The following MCTP1 variants were observed in gnomAD, a reference collection of about 807,000 sequenced individuals.
The protein encoded by MCTP1 is multiple C2 and transmembrane domain containing 1.
MCTP1 carries 69 observed loss-of-function variants against 120.6 expected under a neutral mutation model. That is an observed-to-expected ratio of 0.57 (90% CI 0.47 to 0.70). The LOEUF is 0.70. MCTP1 is among the 30% of genes least tolerant of loss of function. The pLI, the probability that MCTP1 is intolerant of heterozygous loss-of-function variation, is 0.00. For synonymous variants in MCTP1, 529 were observed against 493.1 expected (o/e 1.07, Z -0.96); for missense variants, 1,203 against 1,248.8 (o/e 0.96, Z 0.55).
At chr5:94,901,629 A>G (rs1337301434) in intron 10 of MCTP1, among the ~76,000 whole-genome samples, 1 of 152,028 alleles carries the variant, frequency 6.6e-6, no homozygotes, top group Non-Finnish European at 1.5e-5. Context: ...AAAAAAAACT[A>G]TATACATTTG....
chr5:94,992,422 T>A (rs2153618375), intron 2 of MCTP1, among the ~76,000 whole-genome samples: 1 of 152,288 alleles, frequency 6.6e-6, no homozygotes, highest in East Asian at 1.9e-4. Flanking sequence ...GATGCTTTTG[T>A]TATCCCCATT....
At chr5:94,898,519 A>C (rs1180996607) in intron 10 of MCTP1, among the ~76,000 whole-genome samples, 5 of 152,206 alleles carry the variant, frequency 3.3e-5, no homozygotes, top group Non-Finnish European at 5.9e-5. Flanking sequence ...GTGCAATGTG[A>C]ATACAGTACT....
chr5:95,176,172 T>G (rs1747950356), intron 1 of MCTP1, among the ~76,000 whole-genome samples: 1 of 152,208 alleles, frequency 6.6e-6, no homozygotes, highest in South Asian at 2.1e-4. Context: ...ATGTATTTTT[T>G]TTTAACAAAT....
In MCTP1 at chr5:94,734,201, G is replaced by A. The variant is rs1214698284; in HGVS notation, c.2611-19315C>T. Among the ~76,000 whole-genome samples the A allele has an allele frequency of 3.3e-5, 5 of 152,004 alleles. No homozygotes were observed. In the East Asian group the frequency reaches 5.8e-4, roughly 18 times the overall value. Reference sequence around the variant, plus strand: ...TTTCTGTAAGCACTGCTGATCAAACGCAAACACTCACTGGTACTAATTAAA... The same window carrying A: ...TTTCTGTAAGCACTGCTGATCAAACACAAACACTCACTGGTACTAATTAAA... On this transcript the variant is annotated intron_variant, in intron 19 of 22. Coordinates refer to ENST00000515393, the MANE Select transcript of MCTP1 (RefSeq NM_024717.7).
intron 1 of MCTP1, among the ~76,000 whole-genome samples, chr5:95,056,018 G>A (rs527929732): frequency 8.5e-5 from 13 of 152,288 alleles, no homozygotes; most frequent in African/African-American, 2.9e-4. Context: ...AAACTTCTAT[G>A]TATCTGTCCA....
Position 95,009,129 on chromosome 5 carries a change from G to A in MCTP1, c.838+8238C>T, listed in dbSNP as rs979864913. ...GAGAGAAGCATTGGGAGGGAATGCT[G>A]CCTTACCACATCTTGATTGTTGGAG... On this transcript the variant is annotated intron_variant, in intron 2 of 22. Coordinates refer to ENST00000515393, the MANE Select transcript of MCTP1 (RefSeq NM_024717.7). 1.4e-4 allele frequency among the ~76,000 whole-genome samples: 21 copies of A among 149,582 alleles called. 2 individuals are homozygous for A. The highest frequency in any genetic ancestry group is 5.2e-4 in the African/African-American group (21 of 40,062).
chr5:95,162,831 T>C (rs1357153613), intron 1 of MCTP1, among the ~76,000 whole-genome samples: 4 of 152,184 alleles, frequency 2.6e-5, no homozygotes, highest in Non-Finnish European at 5.9e-5. Flanking sequence ...GATTTACATA[T>C]AAACCTTACA....
At chr5:95,221,831 A>G (rs1319168886) in intron 1 of MCTP1, among the ~76,000 whole-genome samples, 2 of 152,106 alleles carry the variant, frequency 1.3e-5, no homozygotes, top group African/African-American at 4.8e-5. Context: ...AAATTCTCTA[A>G]TCACTGAAGT....
chr5:95,061,813 A>G (rs932278969), intron 1 of MCTP1, among the ~76,000 whole-genome samples: 1 of 152,176 alleles, frequency 6.6e-6, no homozygotes, highest in African/African-American at 2.4e-5. Flanking sequence ...TCACTGACTC[A>G]TCTGAAACTC....
At chr5:94,743,723 C>T (rs918425273) in intron 19 of MCTP1, among the ~76,000 whole-genome samples, 1 of 150,724 alleles carries the variant, frequency 6.6e-6, no homozygotes, top group African/African-American at 2.4e-5. Context: ...CTGCAAGCTC[C>T]GCCTTCCGGG....
At chr5:95,271,423 T>C (rs1759383811) in intron 1 of MCTP1, among the ~76,000 whole-genome samples, 1 of 151,280 alleles carries the variant, frequency 6.6e-6, no homozygotes, top group Admixed American at 6.6e-5. Flanking sequence ...ATTATGAGAA[T>C]ATATTTTTAT....
chr5:94,981,147 G>A (rs1829318352), intron 2 of MCTP1, among the ~76,000 whole-genome samples: 1 of 152,154 alleles, frequency 6.6e-6, no homozygotes, highest in Non-Finnish European at 1.5e-5. Flanking sequence ...GGTGGTGTGG[G>A]TCCCTGTTCT....
chr5:94,797,205 T>C (rs1332764381), intron 18 of MCTP1, among the ~76,000 whole-genome samples: 1 of 152,176 alleles, frequency 6.6e-6, no homozygotes, highest in Non-Finnish European at 1.5e-5. Flanking sequence ...AGGTATATTC[T>C]GGAGAAGATA....
At chr5:95,027,577 G>A (rs1223485168) in intron 1 of MCTP1, among the ~76,000 whole-genome samples, 2 of 152,158 alleles carry the variant, frequency 1.3e-5, no homozygotes, top group African/African-American at 2.4e-5. Flanking sequence ...ATATAGTAGA[G>A]GGTGGAGTGT....
intron 1 of MCTP1, among the ~76,000 whole-genome samples, chr5:95,238,160 C>T (rs935827636): frequency 1.5e-4 from 23 of 152,274 alleles, no homozygotes; most frequent in African/African-American, 5.1e-4. Flanking sequence ...CAAGAATTGA[C>T]GTTCCCATGC....
chr5:95,099,745 C>G (rs1280413156), intron 1 of MCTP1, among the ~76,000 whole-genome samples: 2 of 151,480 alleles, frequency 1.3e-5, no homozygotes, highest in Admixed American at 1.3e-4. Flanking sequence ...ACTAGAAATA[C>G]CATTTGACCC....
intron 17 of MCTP1, among the ~76,000 whole-genome samples, chr5:94,833,263 C>T (rs998989400): frequency 6.6e-6 from 1 of 151,922 alleles, no homozygotes; most frequent in South Asian, 2.1e-4. Context: ...TGTTATGATG[C>T]TAATCAACCT....
chr5:95,244,265 G>A lies in MCTP1; in HGVS notation c.720+39591C>T, dbSNP rs924291976. On this transcript the variant is annotated intron_variant, in intron 1 of 22. Coordinates refer to ENST00000515393, the MANE Select transcript of MCTP1 (RefSeq NM_024717.7). Reference sequence around the variant, plus strand: ...GTCTATAGCTCCCAGCAAGATCGACGCAGATGACAGGTGATTTCTGCATTT... The same window carrying A: ...GTCTATAGCTCCCAGCAAGATCGACACAGATGACAGGTGATTTCTGCATTT... Among the ~76,000 whole-genome samples, 11 of 152,158 alleles carry A rather than the reference G, an allele frequency of 7.2e-5. 1 individual carries two copies. Among genetic ancestry groups the A allele is most frequent in the Admixed American group, 2.0e-4 (3 of 15,282 alleles).
At chr5:95,044,932 A>T (rs751177647) in intron 1 of MCTP1, among the ~76,000 whole-genome samples, 13 of 152,098 alleles carry the variant, frequency 8.5e-5, no homozygotes, top group Non-Finnish European at 1.6e-4. Flanking sequence ...CAAGCAGCTG[A>T]AGTGATCGTC....
Sources: gnomAD v4.1 joint callset for allele counts (sites outside exome capture counted in the v4.1 genomes callset) on GRCh38, gnomAD v4.1.1 for gene constraint, MANE v1.5 for transcripts, NCBI Gene and HGNC (gene_info 2026-07-23, HGNC 2026-07-21) for gene names.